RBPJ: variants seen among roughly 807,000 people sequenced by gnomAD.
The protein encoded by RBPJ is recombination signal binding protein for immunoglobulin kappa J region.
Under a neutral mutation model 67.8 loss-of-function variants are expected in RBPJ, and 9 were observed. The observed-to-expected ratio is 0.13, with a 90% CI of 0.08 to 0.23. RBPJ has a LOEUF of 0.23. Among genes scored for constraint, RBPJ ranks in the 10% least tolerant of loss-of-function variants. The pLI, the probability that RBPJ is intolerant of heterozygous loss-of-function variation, is 1.00. For missense variants in RBPJ, 305 were observed against 595.6 expected (o/e 0.51, Z 5.08); for synonymous variants, 198 against 203.3 (o/e 0.97, Z 0.22).
At chr4:26,323,555 TA>T (rs1180592264) in intron 1 of RBPJ, among the ~76,000 whole-genome samples, 1 of 152,230 alleles carries the variant, frequency 6.6e-6, no homozygotes, top group Non-Finnish European at 1.5e-5. Context: ...TAAATTTTAT[TA>T]TCCATGCATA....
At chr4:26,156,930 C>T in the RBPJ span, among the ~76,000 whole-genome samples, 671 of 150,810 alleles carry the variant, frequency 4.4e-3, 3 homozygotes, top group African/African-American at 0.016. Context: ...CATAAATTAG[C>T]CAGGTGTGGT....
the RBPJ span, among the ~76,000 whole-genome samples, chr4:26,157,932 T>C: frequency 1.3e-5 from 2 of 152,184 alleles, no homozygotes; most frequent in Admixed American, 6.5e-5. Context: ...CTAGCCTCAA[T>C]TGAGCTACCA....
rs114383614 is a variant in RBPJ at position 26,180,085 on chromosome 4, T to C, written c.-167+16471T>C. ...ACTAGCACAGGAACAAAAAACCAAA[T>C]ACTGCGTGTTCTGACTTATAAGTGG... On this transcript the variant is annotated intron_variant, in intron 1 of 4. Coordinates refer to the RBPJ transcript ENST00000512351. Among the ~76,000 whole-genome samples the C allele has an allele frequency of 1.3e-3, 195 of 152,152 alleles. 2 individuals carry two copies. Among genetic ancestry groups the C allele is most frequent in the African/African-American group, 4.4e-3 (181 of 41,532 alleles).
intron 1 of RBPJ, among the ~76,000 whole-genome samples, chr4:26,210,650 G>GCTTTCTTTCTTTCTTT (rs1162212379): frequency 7.2e-6 from 1 of 139,562 alleles, no homozygotes; most frequent in African/African-American, 2.7e-5. Context: ...CCTTAAGCCA[G>GCTTTCTTTCTTTCTTT]CTTTCTTTCT....
the RBPJ span, among the ~76,000 whole-genome samples, chr4:26,139,118 A>C: frequency 6.7e-6 from 1 of 150,278 alleles, no homozygotes; most frequent in African/African-American, 2.5e-5. Context: ...AGCCCTGCCC[A>C]AGGCATAAGC....
upstream of RBPJ, chr4:26,320,776 C>T: frequency 6.4e-7 from 1 of 1,554,796 alleles, no homozygotes; most frequent in Non-Finnish European, 8.7e-7. Flanking sequence ...ACGGAGGGCT[C>T]GCCCGCGGAG....
At chr4:26,259,679 A>C (rs1323494887) in intron 1 of RBPJ, among the ~76,000 whole-genome samples, 2 of 152,214 alleles carry the variant, frequency 1.3e-5, no homozygotes, top group Admixed American at 6.5e-5. Flanking sequence ...TTGTAGTCAG[A>C]ATTGTGTAAG....
At chr4:26,323,216 G>A (rs1723271530) in intron 1 of RBPJ, among the ~76,000 whole-genome samples, 1 of 151,924 alleles carries the variant, frequency 6.6e-6, no homozygotes, top group Non-Finnish European at 1.5e-5. Flanking sequence ...ATAATCTTAT[G>A]TCTCCCTTAC....
At chr4:26,228,956 G>C (rs978059828) in intron 1 of RBPJ, among the ~76,000 whole-genome samples, 1 of 152,186 alleles carries the variant, frequency 6.6e-6, no homozygotes, top group East Asian at 1.9e-4. Flanking sequence ...GCTCCACAGG[G>C]GGAATCAGCA....
intron 1 of RBPJ, among the ~76,000 whole-genome samples, chr4:26,244,157 G>A (rs1188716277): frequency 3.4e-4 from 50 of 147,032 alleles, no homozygotes; most frequent in African/African-American, 1.2e-3. Context: ...ACACATATAT[G>A]TATATATATA....
At chr4:26,300,956 C>T (rs1722055071) in intron 1 of RBPJ, among the ~76,000 whole-genome samples, 2 of 152,208 alleles carry the variant, frequency 1.3e-5, no homozygotes, top group Admixed American at 6.5e-5. Flanking sequence ...GAAGATTACA[C>T]TGACACACTG....
intron 1 of RBPJ, among the ~76,000 whole-genome samples, chr4:26,231,881 A>G (rs985434570): frequency 1.4e-5 from 2 of 147,984 alleles, no homozygotes; most frequent in African/African-American, 5.0e-5. Flanking sequence ...TTTAATTTTT[A>G]TTTATTTTTA....
the RBPJ span, among the ~76,000 whole-genome samples, chr4:26,140,918 G>A: frequency 1.3e-5 from 2 of 152,104 alleles, no homozygotes; most frequent in Middle Eastern, 6.8e-3. Flanking sequence ...ACATAGCAAG[G>A]AAAAGCTCTG....
chr4:26,149,702 CA>C, the RBPJ span, among the ~76,000 whole-genome samples: 2 of 152,204 alleles, frequency 1.3e-5, no homozygotes, highest in Non-Finnish European at 2.9e-5. Context: ...CAGGTGCCAG[CA>C]CCTTGTTATT....
the RBPJ span, among the ~76,000 whole-genome samples, chr4:26,108,100 C>T: frequency 6.6e-6 from 1 of 152,146 alleles, no homozygotes; most frequent in Admixed American, 6.5e-5. Flanking sequence ...GCAAAATGGG[C>T]CATGGAGACA....
chr4:26,146,210 G>A, the RBPJ span, among the ~76,000 whole-genome samples: 1 of 152,176 alleles, frequency 6.6e-6, no homozygotes, highest in Non-Finnish European at 1.5e-5. Flanking sequence ...GCCTCCCAAA[G>A]TGCTGAGATT....
intron 1 of RBPJ, among the ~76,000 whole-genome samples, chr4:26,289,384 C>CAAAAAAAAAAAAAAAAAAA (rs60159669): frequency 2.3e-4 from 18 of 78,308 alleles, no homozygotes; most frequent in African/African-American, 7.3e-4. Flanking sequence ...GACTTGGTCT[C>CAAAAAAAAAAAAAAAAAAA]AAAAAAAAAA....
chr4:26,319,736 C>T (rs897795882), upstream of RBPJ: 3 of 831,092 alleles, frequency 3.6e-6, no homozygotes, highest in Non-Finnish European at 6.2e-6. Flanking sequence ...GTGCCGCTCG[C>T]GCGGGCCGCG....
chr4:26,381,661 G>A (rs933264795), intron 1 of RBPJ, among the ~76,000 whole-genome samples: 9 of 152,148 alleles, frequency 5.9e-5, no homozygotes, highest in Admixed American at 1.3e-4. Flanking sequence ...CTTACTGGGT[G>A]GTGATGGTAA....
Sources: gnomAD v4.1 joint callset for allele counts (sites outside exome capture counted in the v4.1 genomes callset) on GRCh38, gnomAD v4.1.1 for gene constraint, MANE v1.5 for transcripts, NCBI Gene and HGNC (gene_info 2026-07-23, HGNC 2026-07-21) for gene names.